Variants in PDIA5 observed in about 807,000 individuals in gnomAD.
The protein encoded by PDIA5 is protein disulfide-isomerase A5.
PDIA5 carries 58 observed loss-of-function variants against 77.6 expected under a neutral mutation model. The ratio of observed to expected loss-of-function variants is 0.75; its 90% confidence interval spans 0.61 to 0.93. PDIA5 has a LOEUF of 0.93. Among genes scored for constraint, PDIA5 ranks in the 40% least tolerant of loss-of-function variants. The probability of loss-of-function intolerance (pLI) is 0.00; values close to 1 mark genes in which losing one functional copy is unlikely to be tolerated. For synonymous variants in PDIA5, 250 were observed against 252.1 expected (o/e 0.99, Z 0.08); for missense variants, 630 against 647.7 (o/e 0.97, Z 0.30).
chr3:123,114,857 G>C (rs1303029583), intron 7 of PDIA5, among the ~76,000 whole-genome samples: 1 of 152,226 alleles, frequency 6.6e-6, no homozygotes, highest in African/African-American at 2.4e-5. Context: ...ACTGATGGCA[G>C]AACTTAAGCC....
intron 6 of PDIA5, among the ~76,000 whole-genome samples, chr3:123,107,067 C>T (rs1425515204): frequency 1.3e-5 from 2 of 152,202 alleles, no homozygotes; most frequent in Non-Finnish European, 1.5e-5. Context: ...CCATTCTTCA[C>T]CTTCCTTATT....
intron 11 of PDIA5, among the ~76,000 whole-genome samples, chr3:123,134,477 C>T (rs750532423): frequency 1.2e-4 from 18 of 152,246 alleles, no homozygotes; most frequent in Admixed American, 8.5e-4. Context: ...GAAAGGCACA[C>T]GGCACCCCTC....
rs149266035 is a variant in PDIA5, at chr3:123,146,142, C to A, written c.1025C>A (p.Ala342Asp). The A allele has an allele frequency of 4.3e-6, 7 of 1,614,030 alleles. No homozygotes were observed. The African/African-American group carries it at 9.3e-5, about 22-fold the overall frequency. Residue 342 changes from alanine to aspartate, a missense_variant, in exon 13 of 17, where the codon GCC becomes GAC. By Grantham distance (126) the Ala-to-Asp change is moderately radical (BLOSUM62 -2). Coordinates refer to ENST00000316218, the MANE Select transcript of PDIA5 (RefSeq NM_006810.4). ...GCTGTCGATGCCACTGTCAACAAGG[C>A]CCTGGCAGAAAGATTCCACATCTCA... ...LAAVDATVNK[A>D]LAERFHISEF... is the part of the protein sequence containing the mutation.
intron 3 of PDIA5, among the ~76,000 whole-genome samples, chr3:123,093,874 C>T (rs1284702091): frequency 1.3e-5 from 2 of 152,172 alleles, no homozygotes; most frequent in African/African-American, 4.8e-5. Flanking sequence ...GCTCACAGTG[C>T]CCTGGCTTTC....
chr3:123,116,118 C>G, intron 7 of PDIA5, 113 bp from the exon 8 acceptor site: 1 of 864,376 alleles, frequency 1.2e-6, no homozygotes, highest in Middle Eastern at 2.2e-4. Context: ...CTGAGCTTCT[C>G]AAGGCTGGAT....
At chr3:123,088,636 G>A (rs1405859842) in intron 1 of PDIA5, among the ~76,000 whole-genome samples, 1 of 152,190 alleles carries the variant, frequency 6.6e-6, no homozygotes, top group East Asian at 1.9e-4. Flanking sequence ...TGAGGGATTG[G>A]TTCCAGCATC....
intron 3 of PDIA5, among the ~76,000 whole-genome samples, chr3:123,093,133 A>G (rs991157401): frequency 2.0e-5 from 3 of 152,188 alleles, no homozygotes; most frequent in Non-Finnish European, 4.4e-5. Flanking sequence ...TAACTGATTT[A>G]TAAGTTGATG....
intron 5 of PDIA5, among the ~76,000 whole-genome samples, chr3:123,106,423 A>G (rs140999931): frequency 6.6e-6 from 1 of 152,340 alleles, no homozygotes; most frequent in African/African-American, 2.4e-5. Context: ...CTCTGGTTTG[A>G]ATAAGCCAAC....
chr3:123,123,094 G>T (rs1341489067), intron 8 of PDIA5, among the ~76,000 whole-genome samples: 2 of 151,978 alleles, frequency 1.3e-5, no homozygotes, highest in Non-Finnish European at 2.9e-5. Context: ...GGGCAACACA[G>T]CAAGACCTCA....
intron 1 of PDIA5, among the ~76,000 whole-genome samples, chr3:123,075,060 A>T (rs1933817119): frequency 6.6e-6 from 1 of 152,240 alleles, no homozygotes; most frequent in Admixed American, 6.5e-5. Flanking sequence ...ATTGCCCTGA[A>T]GGACATTAAC....
chr3:123,093,959 C>T (rs747298063), intron 3 of PDIA5, among the ~76,000 whole-genome samples: 1 of 152,184 alleles, frequency 6.6e-6, no homozygotes, highest in Non-Finnish European at 1.5e-5. Context: ...TGTCCCTGAG[C>T]GGCCTGGAAA....
chr3:123,095,887 C>G (rs1163638149), intron 3 of PDIA5, among the ~76,000 whole-genome samples: 1 of 152,096 alleles, frequency 6.6e-6, no homozygotes, highest in Non-Finnish European at 1.5e-5. Context: ...CTTCTCTGGG[C>G]TTCAATTGAA....
chr3:123,075,713 A>G (rs1933837545), intron 1 of PDIA5, among the ~76,000 whole-genome samples: 1 of 152,140 alleles, frequency 6.6e-6, no homozygotes, highest in Non-Finnish European at 1.5e-5. Context: ...AAGATGGGTC[A>G]GTGATGGAGT....
intron 15 of PDIA5, among the ~76,000 whole-genome samples, chr3:123,158,940 T>G (rs1936084836): frequency 6.6e-6 from 1 of 152,220 alleles, no homozygotes; most frequent in South Asian, 2.1e-4. Flanking sequence ...GGAGGACGCA[T>G]TTGTCTCTTC....
Position 123,124,313 on chromosome 3 carries a change from C to G in PDIA5, c.743C>G (p.Thr248Arg). Residue 248 changes from threonine (T) to arginine (R), a missense_variant, in exon 10 of 17, where the codon ACA becomes AGA. Physicochemically the swap from Thr to Arg is moderately conservative, Grantham distance 71 (BLOSUM62 -1). Transcript: ENST00000316218. The stretch of plus-strand genomic sequence containing the variant: ...TTCCAGTATGACAACTATGGGTCCA[C>G]AGCTGAGGACATTGTGGAGTGGCTG... ...FLFQYDNYGS[T>R]AEDIVEWLKN... 1 of 1,613,654 alleles carries G rather than the reference C, an allele frequency of 6.2e-7. No individual in the cohort carries two copies. The highest frequency in any genetic ancestry group is 1.6e-4 in the Middle Eastern group (1 of 6,062).
intron 5 of PDIA5, among the ~76,000 whole-genome samples, chr3:123,104,070 C>G (rs73856809): frequency 7.1e-4 from 108 of 152,316 alleles, no homozygotes; most frequent in African/African-American, 2.5e-3. Flanking sequence ...CAGGTGGCCC[C>G]AGCATGCCAC....
intron 8 of PDIA5, among the ~76,000 whole-genome samples, chr3:123,120,620 T>G (rs1415716049): frequency 1.3e-5 from 2 of 152,096 alleles, no homozygotes; most frequent in African/African-American, 2.4e-5. Flanking sequence ...CGTAGCTCCA[T>G]GGAGCCCAAG....
chr3:123,072,595 C>A lies in PDIA5; in HGVS notation c.42+5389C>A, dbSNP rs149616138. 1.4e-3 allele frequency among the ~76,000 whole-genome samples: 219 copies of A among 152,306 alleles called. 1 individual carries two copies. The highest frequency in any genetic ancestry group is 5.0e-3 in the African/African-American group (206 of 41,572). On this transcript the variant is annotated intron_variant, in intron 1 of 16. Transcript: ENST00000316218. The stretch of plus-strand genomic sequence containing the variant: ...GCCTCCTTGCCTCCTCTCTGCCAGG[C>A]TGCTGCAGAGATCCCAGGTAGGGGG...
chr3:123,124,454 G>A, intron 10 of PDIA5, 111 bp downstream of exon 10: 1 of 807,940 alleles, frequency 1.2e-6, no homozygotes, highest in Non-Finnish European at 2.2e-6. Context: ...ATGAGGAAGG[G>A]AATTGTGGTA....
Sources: allele counts gnomAD v4.1 joint callset (sites outside exome capture counted in the v4.1 genomes callset), GRCh38; gene constraint gnomAD v4.1.1; transcripts MANE v1.5; gene names NCBI Gene and HGNC (gene_info 2026-07-23, HGNC 2026-07-21).